EPN1: variants seen among roughly 807,000 people sequenced by gnomAD.
The protein encoded by EPN1 is epsin 1.
In EPN1, 25 loss-of-function variants were observed where a neutral mutation model predicts 56.9. The ratio of observed to expected loss-of-function variants is 0.44; its 90% confidence interval spans 0.32 to 0.61. EPN1 has a LOEUF of 0.61. Ranked by LOEUF, EPN1 falls within the 20% of genes least tolerant of loss-of-function variation. The pLI is 0.05. For missense variants in EPN1, 785 were observed against 823.7 expected (o/e 0.95, Z 0.58); for synonymous variants, 411 against 361.8 (o/e 1.14, Z -1.54).
Position 55,689,858 on chromosome 19 carries a change from C to T in EPN1, c.679-9C>T. The T allele has an allele frequency of 1.3e-6, 2 of 1,596,226 alleles. No individual in the cohort carries two copies. Among genetic ancestry groups the T allele is most frequent in the Non-Finnish European group, 1.7e-6 (2 of 1,171,972 alleles). ...TCATGTCTCCCTGGTCGTGCCCGTG[C>T]CCCAACAGGAGGAGCGGATCCGTCG... On this transcript the variant is annotated splice_polypyrimidine_tract_variant and intron_variant, in intron 5 of 10. Transcript: ENST00000270460. The surrounding 1 kb of genome is among the most constrained non-coding windows in gnomAD (Gnocchi z 5.7).
rs944386879 is a variant in EPN1, at chr19:55,689,537, A to C, written c.678+166A>C. Among the ~76,000 whole-genome samples the C allele has an allele frequency of 6.6e-6, 1 of 152,170 alleles. No individual in the cohort carries two copies. Among genetic ancestry groups the C allele is most frequent in the Non-Finnish European group, 1.5e-5 (1 of 68,022 alleles). ...GCCGTAGGATGTAGGACCACAAGTC[A>C]GACAGAGCCTGGGTGGTGGCCAGCA... On this transcript the variant is annotated intron_variant, in intron 5 of 10. Coordinates refer to ENST00000270460, the MANE Select transcript of EPN1 (RefSeq NM_001130072.2). This position sits in a 1 kb window ranked among gnomAD's most constrained non-coding sequence, Gnocchi z 5.7.
Position 55,689,802 on chromosome 19 carries a change from C to T in EPN1, c.679-65C>T. 7.5e-6 allele frequency: 11 copies of T among 1,475,020 alleles called. No homozygotes were observed. The highest frequency in any genetic ancestry group is 1.0e-5 in the Non-Finnish European group (11 of 1,078,182). 91.4% of individuals were successfully genotyped at this position (1,475,020 alleles called of 1,614,324 possible). ...GGGAGGGGTTGCTGGGGCTTCCAGGCTGAGGTGGCATCTGCCCGTGGCTCA... is the reference window on the plus strand; with the variant it reads ...GGGAGGGGTTGCTGGGGCTTCCAGGTTGAGGTGGCATCTGCCCGTGGCTCA... On this transcript the variant is annotated intron_variant, in intron 5 of 10. Coordinates refer to ENST00000270460, the MANE Select transcript of EPN1 (RefSeq NM_001130072.2). The surrounding 1 kb of genome is among the most constrained non-coding windows in gnomAD (Gnocchi z 5.7).
At position 55,694,467 on chromosome 19, in the gene EPN1, G is replaced by T; in HGVS notation, c.1265-259G>T. On this transcript the variant is annotated intron_variant, in intron 9 of 10. Coordinates refer to ENST00000270460, the MANE Select transcript of EPN1 (RefSeq NM_001130072.2). The surrounding 1 kb of genome is among the most constrained non-coding windows in gnomAD (Gnocchi z 4.2). ...ACCCTGAAGCAGTTGCTGCCCTCTG[G>T]TTGTCAGAGGGTGACACCTGCTTCT... 2.4e-6 allele frequency: 1 copy of T among 419,456 alleles called. No individual in the cohort carries two copies. 26.0% of individuals were successfully genotyped at this position (419,456 alleles called of 1,614,324 possible).
chr19:55,707,995 TG>T lies in EPN1; in HGVS notation c.*12642del, dbSNP rs1987512829. On this transcript the variant is annotated 3_prime_UTR_variant, in exon 11 of 11. Coordinates refer to ENST00000270460, the MANE Select transcript of EPN1 (RefSeq NM_001130072.2). ...AAAAGGCCAAAAGCAAATAGAAAATTGGGCAAAAAAGTTCATAATTGCTTAA... is the reference window on the plus strand; with the variant it reads ...AAAAGGCCAAAAGCAAATAGAAAATTGGCAAAAAAGTTCATAATTGCTTAA... 2 of 152,544 alleles carry T rather than the reference TG, an allele frequency of 1.3e-5. No homozygotes were observed. The highest frequency in any genetic ancestry group is 2.1e-4 in the South Asian group (1 of 4,838). The allele number at this position is 152,544 out of a possible 1,614,324, so 9.4% of individuals were successfully genotyped here. A position where few individuals can be genotyped will look rare whatever the true frequency, so the allele number is the denominator to read the frequency against.
chr19:55,692,961 A>T lies in EPN1; in HGVS notation c.1188A>T (p.Gly396=), dbSNP rs1600108897. The change falls in exon 9 of 11, where the codon GGA becomes GGT. Residue 396 remains glycine, a synonymous_variant. Coordinates refer to ENST00000270460, the MANE Select transcript of EPN1 (RefSeq NM_001130072.2). ...ATCCTGACCCCACAGCAGCCGGGGG[A>T]TTCGACACGGAGCCCGACGAGTTCT... ...PSTNGTTAAG[G]FDTEPDEFSD... 1 of 1,613,348 alleles carries T rather than the reference A, an allele frequency of 6.2e-7. No individual in the cohort carries two copies.
In EPN1 at chr19:55,699,172, A is replaced by G. The variant is rs1417788260; in HGVS notation, c.*3816A>G. ...TGCTGCACGCATTAACTCGTCATTT[A>G]CATTAGGTATATCTCCTAATGCCTT... On this transcript the variant is annotated 3_prime_UTR_variant, in exon 11 of 11. Transcript: ENST00000270460. 1 of 152,126 alleles carries G rather than the reference A, an allele frequency of 6.6e-6. No homozygotes were observed. The highest frequency in any genetic ancestry group is 1.5e-5 in the Non-Finnish European group (1 of 68,032). The allele number at this position is 152,126 out of a possible 1,614,324, so 9.4% of individuals were successfully genotyped here.
chr19:55,692,169 G>A (rs1195923673), intron 7 of EPN1, 112 bp downstream of exon 7: 1 of 1,084,798 alleles, frequency 9.2e-7, no homozygotes, highest in Non-Finnish European at 1.2e-6. Flanking sequence ...GCAGTGGTGG[G>A]GCGTCCTGGG....
At position 55,689,907 on chromosome 19, in the gene EPN1, T is replaced by C; in HGVS notation, c.719T>C (p.Met240Thr). Residue 240 changes from methionine to threonine, a missense_variant, in exon 6 of 11, where the codon ATG (methionine) becomes ACG (threonine). Met to Thr is a moderately conservative substitution (Grantham distance 81). Coordinates refer to ENST00000270460, the MANE Select transcript of EPN1 (RefSeq NM_001130072.2). This position sits in a 1 kb window ranked among gnomAD's most constrained non-coding sequence, Gnocchi z 5.7. ...CGCGGGGATGACCTGCGGCTGCAGA[T>C]GGCAATCGAGGAGAGCAAGAGGGAG... is the stretch of plus-strand genomic sequence containing the variant. ...IRRGDDLRLQ[M>T]AIEESKRETG... The C allele has an allele frequency of 6.2e-7, 1 of 1,606,758 alleles. No individual in the cohort carries two copies. The highest frequency in any genetic ancestry group is 8.5e-7 in the Non-Finnish European group (1 of 1,177,064).
rs1033687279 is a variant in EPN1, at chr19:55,703,140, G to C, written c.*7784G>C. 9 of 152,274 alleles carry C rather than the reference G, an allele frequency of 5.9e-5. No homozygotes were observed. Among genetic ancestry groups the C allele is most frequent in the African/African-American group, 2.2e-4 (9 of 41,502 alleles). 9.4% of individuals were successfully genotyped at this position (152,274 alleles called of 1,614,324 possible). On this transcript the variant is annotated 3_prime_UTR_variant, in exon 11 of 11. Coordinates refer to ENST00000270460, the MANE Select transcript of EPN1 (RefSeq NM_001130072.2). ...AGATTATTTCCTTTGGCCCTGCGTG[G>C]TCTCTCTCTGGCTGGGCAGCTCTGG...
chr19:55,677,423 T>C, intron 1 of EPN1: 1 of 671,282 alleles, frequency 1.5e-6, no homozygotes, highest in South Asian at 1.9e-5. Context: ...TCGTCACCAG[T>C]CTCGGGATGG....
rs144646281 is a variant in EPN1, at chr19:55,676,485, C to A, written c.-102+1050C>A. ...AGTATTAAGATAGTGCCTTTTCTGC[C>A]GCCACCCTTTTGGAAATGTTCTCTG... On this transcript the variant is annotated intron_variant, in intron 1 of 10. Coordinates refer to ENST00000270460, the MANE Select transcript of EPN1 (RefSeq NM_001130072.2). 989 of 152,316 alleles carry A rather than the reference C, an allele frequency of 6.5e-3. 6 individuals carry two copies. The highest frequency in any genetic ancestry group is 0.01 in the Non-Finnish European group (709 of 68,070). The allele number at this position is 152,316 out of a possible 1,614,324, so 9.4% of individuals were successfully genotyped here. A position where few individuals can be genotyped will look rare whatever the true frequency, so the allele number is the denominator to read the frequency against.
intron 1 of EPN1, chr19:55,676,788 C>CT (rs990470799): frequency 5.9e-6 from 1 of 168,438 alleles, no homozygotes; most frequent in African/African-American, 2.4e-5. Context: ...GTTTCTGGGC[C>CT]TCTTTCTTCC....
At chr19:55,676,974 C>T (rs999613584) in intron 1 of EPN1, 4 of 648,018 alleles carry the variant, frequency 6.2e-6, no homozygotes, top group Non-Finnish European at 1.0e-5. Flanking sequence ...ATCTCTTCAT[C>T]TTAATGTATT....
intron 1 of EPN1, chr19:55,676,572 AG>A (rs1985447715): frequency 6.6e-6 from 1 of 152,484 alleles, no homozygotes; most frequent in South Asian, 2.1e-4. Flanking sequence ...TGGGGCACAG[AG>A]CCAAGCACTG....
At chr19:55,685,717 C>T (rs542860485) in intron 3 of EPN1, 72 bp downstream of exon 3, 181 of 1,515,608 alleles carry the variant, frequency 1.2e-4, no homozygotes, top group Non-Finnish European at 1.4e-4. Flanking sequence ...GGCACCCGGC[C>T]GCCCACTGCT....
rs1987405196 is a variant in EPN1, at chr19:55,706,265, T to TCCTTTTTCCTCCTCTTTTCTTC, written c.*10910_*10911insCTTTTTCCTCCTCTTTTCTTCC. 1 of 127,896 alleles carries TCCTTTTTCCTCCTCTTTTCTTC rather than the reference T, an allele frequency of 7.8e-6. No individual in the cohort carries two copies. Among genetic ancestry groups the TCCTTTTTCCTCCTCTTTTCTTC allele is most frequent in the Admixed American group, 7.7e-5 (1 of 12,982 alleles). 7.9% of individuals were successfully genotyped at this position (127,896 alleles called of 1,614,324 possible). A position where few individuals can be genotyped will look rare whatever the true frequency, so the allele number is the denominator to read the frequency against. ...CCTTTTTCCTCCTCTTTTCTTCCTT[T>TCCTTTTTCCTCCTCTTTTCTTC]CTTCTCTTTTTCTTCTTCTTTTTTT... On this transcript the variant is annotated 3_prime_UTR_variant, in exon 11 of 11. Transcript: ENST00000270460.
In EPN1 at chr19:55,697,345, G is replaced by C. The variant is rs1986949795; in HGVS notation, c.*1989G>C. ...TTGCCAATCTTGGTCTCCCCACAGG[G>C]TCATAGCTCCTGGGCCCCTCACTTG... On this transcript the variant is annotated 3_prime_UTR_variant, in exon 11 of 11. Transcript: ENST00000270460. The C allele has an allele frequency of 6.6e-6, 1 of 152,304 alleles. No homozygotes were observed. The highest frequency in any genetic ancestry group is 1.9e-4 in the East Asian group (1 of 5,172). 9.4% of individuals were successfully genotyped at this position (152,304 alleles called of 1,614,324 possible).
chr19:55,677,774 T>C (rs1443715709), intron 1 of EPN1: 1 of 1,472,218 alleles, frequency 6.8e-7, no homozygotes, highest in Non-Finnish European at 9.0e-7. Flanking sequence ...AATCCCTTCA[T>C]CAGCCTTCTT....
At chr19:55,687,570 C>T (rs892746809) in intron 3 of EPN1, among the ~76,000 whole-genome samples, 15 of 151,314 alleles carry the variant, frequency 9.9e-5, no homozygotes, top group African/African-American at 3.6e-4. Flanking sequence ...CTGAGAGTCC[C>T]TAGAGCTTAG....
Sources: allele counts gnomAD v4.1 joint callset (sites outside exome capture counted in the v4.1 genomes callset), GRCh38; gene constraint gnomAD v4.1.1; non-coding constraint Gnocchi (gnomAD v3.1); transcripts MANE v1.5; gene names NCBI Gene and HGNC (gene_info 2026-07-23, HGNC 2026-07-21).